The following ZNF718 variants were observed in gnomAD, a reference collection of about 807,000 sequenced individuals.
The protein encoded by ZNF718 is zinc finger protein 718.
A neutral mutation model predicts 2.6 loss-of-function variants in ZNF718; 3 were observed. The ratio of observed to expected loss-of-function variants is 1.16; its 90% confidence interval spans 0.53 to 3.01. The LOEUF (loss-of-function observed/expected upper bound fraction) is 3.01, where lower values mean the gene tolerates loss of function less well. Ranked by LOEUF, ZNF718 falls within the 30% of genes most tolerant of loss-of-function variation. The probability of loss-of-function intolerance (pLI) is 0.03; values close to 1 mark genes in which losing one functional copy is unlikely to be tolerated. For synonymous variants in ZNF718, 135 were observed against 77.9 expected (o/e 1.73, Z -3.86); for missense variants, 468 against 230.0 (o/e 2.03, Z -6.69).
chr4:160,879 A>G, intron 3 of ZNF718, 33 bp from the exon 4 acceptor site: 1 of 726,684 alleles, frequency 1.4e-6, no homozygotes, highest in Non-Finnish European at 2.5e-6. Flanking sequence ...GAATCTAGTA[A>G]GTGGGATAAT....
chr4:153,726 G>A (rs1331454551), intron 3 of ZNF718, among the ~76,000 whole-genome samples: 1 of 152,104 alleles, frequency 6.6e-6, no homozygotes, highest in African/African-American at 2.4e-5. Context: ...GGTATAGATG[G>A]TATGTAGCTC....
At chr4:126,432 A>T (rs1223569153) in intron 1 of ZNF718, among the ~76,000 whole-genome samples, 3 of 152,188 alleles carry the variant, frequency 2.0e-5, no homozygotes, top group African/African-American at 4.8e-5. Flanking sequence ...ACTTGTCTTT[A>T]TCTAGGACTT....
intron 3 of ZNF718, among the ~76,000 whole-genome samples, chr4:181,910 G>A (rs193241559): frequency 4.1e-4 from 62 of 152,242 alleles, no homozygotes; most frequent in African/African-American, 1.4e-3. Flanking sequence ...GTGAGAACAT[G>A]CAGTATTTGG....
At chr4:176,044 C>T (rs1316340953) in intron 3 of ZNF718, among the ~76,000 whole-genome samples, 1 of 151,810 alleles carries the variant, frequency 6.6e-6, no homozygotes, top group Non-Finnish European at 1.5e-5. Context: ...AATCTACTTG[C>T]CTTGGAACTA....
intron 3 of ZNF718, among the ~76,000 whole-genome samples, chr4:154,643 T>C (rs141407282): frequency 1.3e-5 from 2 of 152,272 alleles, no homozygotes; most frequent in African/African-American, 4.8e-5. Flanking sequence ...GTAGAAGAAA[T>C]TCCTAACCCA....
At chr4:147,896 G>C (rs1553811702) in intron 3 of ZNF718, among the ~76,000 whole-genome samples, 1 of 149,858 alleles carries the variant, frequency 6.7e-6, no homozygotes, top group Non-Finnish European at 1.5e-5. Context: ...AATTATATCT[G>C]GGGGTGCTGA....
At chr4:150,888 T>TTGTGTGTGTGTGTG (rs111894956) in intron 3 of ZNF718, among the ~76,000 whole-genome samples, 1 of 150,134 alleles carries the variant, frequency 6.7e-6, no homozygotes, top group African/African-American at 2.4e-5. Flanking sequence ...AATTTGAATT[T>TTGTGTGTGTGTGTG]TGTGTGTGTG....
intron 3 of ZNF718, among the ~76,000 whole-genome samples, chr4:148,815 G>A (rs1333219131): frequency 6.6e-6 from 1 of 152,046 alleles, no homozygotes; most frequent in Non-Finnish European, 1.5e-5. Flanking sequence ...TGAGACACAG[G>A]ACATTATGAA....
At chr4:168,001 T>A (rs1326095057), downstream of ZNF718, among the ~76,000 whole-genome samples, 1 of 152,168 alleles carries the variant, frequency 6.6e-6, no homozygotes, top group Admixed American at 6.5e-5. Context: ...CATAGATAGC[T>A]CTTATTATTT....
chr4:177,268 C>T (rs191299474), intron 3 of ZNF718, among the ~76,000 whole-genome samples: 6 of 152,324 alleles, frequency 3.9e-5, no homozygotes, highest in Non-Finnish European at 7.3e-5. Flanking sequence ...GTTACAGCAA[C>T]AGGTTTATTA....
chr4:136,516 A>G, intron 3 of ZNF718: 7 of 520,558 alleles, frequency 1.3e-5, no homozygotes, highest in South Asian at 9.8e-5. Context: ...TTTTATCTGC[A>G]GCCATGTCTA....
At chr4:175,547 ATTC>A (rs1717328933) in intron 3 of ZNF718, among the ~76,000 whole-genome samples, 1 of 152,182 alleles carries the variant, frequency 6.6e-6, no homozygotes, top group Non-Finnish European at 1.5e-5. Flanking sequence ...GGCACTGTTT[ATTC>A]TTTCTTTAAC....
At chr4:143,449 G>A (rs1715902275) in intron 3 of ZNF718, among the ~76,000 whole-genome samples, 1 of 152,174 alleles carries the variant, frequency 6.6e-6, no homozygotes, top group Non-Finnish European at 1.5e-5. Context: ...GCCTCCCAAA[G>A]TGCTAGGATT....
intron 3 of ZNF718, among the ~76,000 whole-genome samples, chr4:147,309 A>G (rs1323418976): frequency 1.3e-5 from 2 of 152,212 alleles, no homozygotes; most frequent in African/African-American, 4.8e-5. Context: ...CTGATCCTTC[A>G]TGATCCATTA....
intron 3 of ZNF718, among the ~76,000 whole-genome samples, chr4:193,403 G>A (rs1419572770): frequency 6.6e-6 from 1 of 152,012 alleles, no homozygotes; most frequent in Non-Finnish European, 1.5e-5. Context: ...TTGCTGTGTG[G>A]GCATGGAGGA....
intron 3 of ZNF718, among the ~76,000 whole-genome samples, chr4:154,408 A>G (rs369553960): frequency 6.6e-6 from 1 of 152,172 alleles, no homozygotes; most frequent in East Asian, 1.9e-4. Flanking sequence ...AATGTGGGAA[A>G]GTTTGGAACT....
intron 4 of ZNF718, chr4:201,397 A>G (rs1717896680): frequency 6.6e-6 from 1 of 152,386 alleles, no homozygotes; most frequent in Non-Finnish European, 1.5e-5. Context: ...GTGGTTAGGT[A>G]GGAAATGAGT....
At chr4:148,906 A>G (rs1339387367) in intron 3 of ZNF718, among the ~76,000 whole-genome samples, 2 of 152,158 alleles carry the variant, frequency 1.3e-5, no homozygotes, top group East Asian at 1.9e-4. Context: ...AGTGAGAATT[A>G]TTCATATTTC....
rs1174932935 is a variant in ZNF718, at chr4:130,530, G to A, written c.4-258G>A. ...TGGGAAGCCGAGGCAGGCGGATCAC[G>A]AGGTCAGAAGATGGAGACCATCCTG... On this transcript the variant is annotated intron_variant, in intron 1 of 3. Transcript: ENST00000510175. 9.8e-5 allele frequency among the ~76,000 whole-genome samples: 10 copies of A among 102,404 alleles called. 4 individuals carry two copies. The highest frequency in any genetic ancestry group is 2.2e-4 in the Non-Finnish European group (10 of 46,242). 67.2% of individuals were successfully genotyped at this position (102,404 alleles called of 152,430 possible).
Sources: allele counts gnomAD v4.1 joint callset (sites outside exome capture counted in the v4.1 genomes callset), GRCh38; gene constraint gnomAD v4.1.1; transcripts MANE v1.5; gene names NCBI Gene and HGNC (gene_info 2026-07-23, HGNC 2026-07-21).